RFTN2: variants seen among roughly 807,000 people sequenced by gnomAD.
The protein encoded by RFTN2 is raftlin-2.
RFTN2 carries 34 observed loss-of-function variants against 52.7 expected under a neutral mutation model. That is an observed-to-expected ratio of 0.64 (90% CI 0.49 to 0.86). RFTN2 has a LOEUF of 0.86. Ranked by LOEUF, RFTN2 falls within the 40% of genes least tolerant of loss-of-function variation. The pLI is 0.00. For missense variants in RFTN2, 536 were observed against 600.1 expected (o/e 0.89, Z 1.12); for synonymous variants, 203 against 217.7 (o/e 0.93, Z 0.59).
intron 5 of RFTN2, among the ~76,000 whole-genome samples, chr2:197,627,689 G>C (rs984428666): frequency 6.6e-6 from 1 of 152,252 alleles, no homozygotes; most frequent in African/African-American, 2.4e-5. Context: ...CTCTGGCGGT[G>C]GTGGGGCATT....
At chr2:197,646,987 G>GA (rs1313990134) in intron 1 of RFTN2, among the ~76,000 whole-genome samples, 4 of 148,894 alleles carry the variant, frequency 2.7e-5, no homozygotes, top group African/African-American at 9.9e-5. Flanking sequence ...AGTCATTTCA[G>GA]AAAAAAGGAA....
In RFTN2 at chr2:197,570,617, C is replaced by G. The variant is rs1574667747; in HGVS notation, c.*1391G>C. The G allele has an allele frequency of 6.6e-6, 1 of 152,312 alleles. No individual in the cohort carries two copies. The highest frequency in any genetic ancestry group is 2.1e-4 in the South Asian group (1 of 4,828). 9.4% of individuals were successfully genotyped at this position (152,312 alleles called of 1,614,324 possible). On this transcript the variant is annotated 3_prime_UTR_variant, in exon 9 of 9. Transcript: ENST00000295049. ...TGGCGCACACTGGCTGTAGTTCCAG[C>G]TAATCTGGAGGCTGAGGCAGGAGAA... is the stretch of plus-strand genomic sequence containing the variant.
intron 1 of RFTN2, among the ~76,000 whole-genome samples, chr2:197,648,849 C>T (rs1158601511): frequency 1.3e-5 from 2 of 152,172 alleles, no homozygotes; most frequent in Non-Finnish European, 2.9e-5. Flanking sequence ...GTTCTCCCAG[C>T]CTGAGTTAAT....
chr2:197,610,231 A>T (rs1165475437), intron 7 of RFTN2, among the ~76,000 whole-genome samples: 1 of 152,098 alleles, frequency 6.6e-6, no homozygotes, highest in Non-Finnish European at 1.5e-5. Context: ...CACTATATTG[A>T]TTCTTCCTAT....
In RFTN2 at chr2:197,568,242, G is replaced by A. The variant is rs769942752; in HGVS notation, c.*3766C>T. The A allele has an allele frequency of 6.6e-6, 1 of 152,152 alleles. No homozygotes were observed. The highest frequency in any genetic ancestry group is 1.5e-5 in the Non-Finnish European group (1 of 68,028). 9.4% of individuals were successfully genotyped at this position (152,152 alleles called of 1,614,324 possible). A position where few individuals can be genotyped will look rare whatever the true frequency, so the allele number is the denominator to read the frequency against. The stretch of plus-strand genomic sequence containing the variant: ...TTATACATTTATCTTACACATAAAT[G>A]ATTCATTTATTCCATTGATTTAATT... On this transcript the variant is annotated 3_prime_UTR_variant, in exon 9 of 9. Transcript: ENST00000295049.
At chr2:197,584,124 T>G (rs1314932511) in intron 8 of RFTN2, among the ~76,000 whole-genome samples, 1 of 152,222 alleles carries the variant, frequency 6.6e-6, no homozygotes, top group Non-Finnish European at 1.5e-5. Context: ...TGATTTATAA[T>G]CCTTTGGGTA....
At chr2:197,654,312 GGAGTTT>G (rs2088864461) in intron 1 of RFTN2, among the ~76,000 whole-genome samples, 1 of 152,152 alleles carries the variant, frequency 6.6e-6, no homozygotes, top group Non-Finnish European at 1.5e-5. Flanking sequence ...CTTAAGCCCA[GGAGTTT>G]GAGGCTGCAA....
chr2:197,646,920 A>AAAAAT (rs2088761692), intron 1 of RFTN2, among the ~76,000 whole-genome samples: 1 of 150,730 alleles, frequency 6.6e-6, no homozygotes, highest in Non-Finnish European at 1.5e-5. Context: ...AAAAAAAAAA[A>AAAAAT]CTCCAATGGC....
intron 8 of RFTN2, 112 bp downstream of exon 8, chr2:197,595,879 G>A: frequency 1.4e-6 from 1 of 706,054 alleles, no homozygotes; most frequent in Non-Finnish European, 2.4e-6. Context: ...GGTTGGTTCA[G>A]AGGACTGTTT....
chr2:197,595,917 G>T, intron 8 of RFTN2, 74 bp downstream of exon 8: 1 of 1,025,506 alleles, frequency 9.8e-7, no homozygotes, highest in Non-Finnish European at 1.5e-6. Context: ...TTTCTTATTT[G>T]GAATTACAAT....
intron 8 of RFTN2, among the ~76,000 whole-genome samples, chr2:197,587,707 TCA>T (rs2087624739): frequency 6.6e-6 from 1 of 152,198 alleles, no homozygotes; most frequent in Non-Finnish European, 1.5e-5. Flanking sequence ...GGTAGTCTCT[TCA>T]CACAGACACG....
intron 5 of RFTN2, among the ~76,000 whole-genome samples, chr2:197,625,695 TCTCC>T (rs2088344661): frequency 8.1e-6 from 1 of 122,738 alleles, no homozygotes; most frequent in African/African-American, 3.2e-5. Flanking sequence ...TCTCCTCTCC[TCTCC>T]TCTCCTCTCC....
chr2:197,639,090 G>A (rs1451484874), intron 3 of RFTN2, among the ~76,000 whole-genome samples: 2 of 140,832 alleles, frequency 1.4e-5, no homozygotes, highest in Non-Finnish European at 3.1e-5. Flanking sequence ...TGGCTTGTAG[G>A]GTTTCTGCCG....
chr2:197,572,748 C>A (rs986047060), intron 8 of RFTN2, among the ~76,000 whole-genome samples: 3 of 152,178 alleles, frequency 2.0e-5, no homozygotes, highest in African/African-American at 7.2e-5. Flanking sequence ...TATGGTTTGG[C>A]TGTGTCCCCA....
intron 5 of RFTN2, among the ~76,000 whole-genome samples, chr2:197,619,726 C>T (rs2088225593): frequency 7.9e-6 from 1 of 125,880 alleles, no homozygotes; most frequent in African/African-American, 3.1e-5. Context: ...GAGAAACACC[C>T]AAGAATGATC....
intron 1 of RFTN2, among the ~76,000 whole-genome samples, chr2:197,649,563 C>A (rs1054499099): frequency 1.3e-5 from 2 of 152,158 alleles, no homozygotes; most frequent in African/African-American, 4.8e-5. Flanking sequence ...CTGGATACTG[C>A]TGGCCTTGCT....
At chr2:197,575,831 A>ATATACATAATATATATTCTATATATT in intron 8 of RFTN2, among the ~76,000 whole-genome samples, 1 of 60,504 alleles carries the variant, frequency 1.7e-5, no homozygotes, top group Non-Finnish European at 3.7e-5. Context: ...TTCTATATAT[A>ATATACATAATATATATTCTATATATT]ATATATTATA....
chr2:197,667,246 A>G (rs950640776), intron 1 of RFTN2, among the ~76,000 whole-genome samples: 3 of 152,124 alleles, frequency 2.0e-5, no homozygotes, highest in African/African-American at 7.2e-5. Context: ...TCACCCTCCC[A>G]AAGTGTTGGG....
intron 3 of RFTN2, among the ~76,000 whole-genome samples, chr2:197,638,626 T>C (rs1574731966): frequency 6.7e-6 from 1 of 148,266 alleles, no homozygotes; most frequent in Admixed American, 6.8e-5. Context: ...TTTGAGCCTA[T>C]GTGTGTTTCT....
Sources: gnomAD v4.1 joint callset for allele counts (sites outside exome capture counted in the v4.1 genomes callset) on GRCh38, gnomAD v4.1.1 for gene constraint, MANE v1.5 for transcripts, NCBI Gene and HGNC (gene_info 2026-07-23, HGNC 2026-07-21) for gene names.